Variants in FRMPD4 observed in about 807,000 individuals in gnomAD.
FRMPD4 encodes FERM and PDZ domain-containing protein 4.
A neutral mutation model predicts 94.1 loss-of-function variants in FRMPD4; 22 were observed. The ratio of observed to expected loss-of-function variants is 0.23; its 90% CI spans 0.17 to 0.33. FRMPD4 has a LOEUF of 0.33. Among genes scored for constraint, FRMPD4 ranks in the 10% least tolerant of loss-of-function variants. The pLI, the probability that FRMPD4 is intolerant of heterozygous loss-of-function variation, is 1.00. For synonymous variants in FRMPD4, 631 were observed against 548.6 expected (o/e 1.15, Z -2.10); for missense variants, 1,111 against 1,339.9 (o/e 0.83, Z 2.67).
chrX:12,031,881 C>A (rs1423765703), intron 3 of FRMPD4, among the ~76,000 whole-genome samples: 1 of 111,364 alleles, frequency 9.0e-6, no homozygotes, highest in Non-Finnish European at 1.9e-5. Flanking sequence ...TGGTCTGGAC[C>A]AAAACTATGG....
intron 3 of FRMPD4, among the ~76,000 whole-genome samples, chrX:11,927,149 CAA>C (rs552763447): frequency 5.3e-5 from 5 of 94,559 alleles, no homozygotes; most frequent in Admixed American, 1.2e-4. Context: ...ACAATTGCCA[CAA>C]AAAAAAAAAA....
chrX:11,852,950 C>T (rs997996420), intron 1 of FRMPD4, among the ~76,000 whole-genome samples: 3 of 112,183 alleles, frequency 2.7e-5, no homozygotes, highest in African/African-American at 9.7e-5. Context: ...GAAGAATATA[C>T]ATTCTCTTCA....
intron 1 of FRMPD4, among the ~76,000 whole-genome samples, chrX:12,212,949 C>G (rs2056769407): frequency 1.8e-5 from 2 of 110,926 alleles, no homozygotes; most frequent in Admixed American, 1.9e-4. Context: ...AACAAAGGAC[C>G]CTTGATTTCT....
At chrX:12,652,805 A>C (rs747157936) in intron 4 of FRMPD4, among the ~76,000 whole-genome samples, 6 of 111,585 alleles carry the variant, frequency 5.4e-5, no homozygotes, top group Non-Finnish European at 1.1e-4. Context: ...ACAGAGCAGG[A>C]GAGAGCAAGC....
chrX:12,357,673 G>A (rs1372491122), intron 1 of FRMPD4, among the ~76,000 whole-genome samples: 1 of 112,100 alleles, frequency 8.9e-6, no homozygotes, highest in Non-Finnish European at 1.9e-5. Context: ...CAAGTTGTGA[G>A]CAACCTGAAC....
intron 1 of FRMPD4, among the ~76,000 whole-genome samples, chrX:12,220,295 G>T (rs1369125340): frequency 3.6e-5 from 4 of 112,123 alleles, no homozygotes; most frequent in African/African-American, 1.3e-4. Flanking sequence ...GCCCAAAGTG[G>T]CTATGGAAAG....
chrX:12,241,005 A>G (rs1422986336), intron 1 of FRMPD4, among the ~76,000 whole-genome samples: 2 of 112,430 alleles, frequency 1.8e-5, no homozygotes, highest in African/African-American at 6.5e-5. Context: ...GAGACAAATA[A>G]CAGGAATATG....
At chrX:12,418,882 A>G (rs2056846651) in intron 1 of FRMPD4, among the ~76,000 whole-genome samples, 1 of 111,378 alleles carries the variant, frequency 9.0e-6, no homozygotes, top group East Asian at 2.8e-4. Context: ...TGTTACATTT[A>G]TTTTTGTTTC....
chrX:11,904,714 A>G (rs748202568), intron 3 of FRMPD4, among the ~76,000 whole-genome samples: 1 of 111,938 alleles, frequency 8.9e-6, no homozygotes, highest in South Asian at 3.8e-4. Context: ...CCATACTAGG[A>G]CAGCATCATT....
intron 2 of FRMPD4, among the ~76,000 whole-genome samples, chrX:12,576,311 A>G (rs1196436668): frequency 8.9e-6 from 1 of 112,958 alleles, no homozygotes; most frequent in Non-Finnish European, 1.9e-5. Flanking sequence ...AAAATAAGAA[A>G]AAGAGGTTTA....
chrX:11,896,869 A>G (rs2053907064), intron 3 of FRMPD4, among the ~76,000 whole-genome samples: 1 of 111,428 alleles, frequency 9.0e-6, no homozygotes, highest in Non-Finnish European at 1.9e-5. Flanking sequence ...TAAAATGCAG[A>G]TGTTGATTCA....
At chrX:12,359,278 G>A (rs936325297) in intron 1 of FRMPD4, among the ~76,000 whole-genome samples, 22 of 111,538 alleles carry the variant, frequency 2.0e-4, no homozygotes, top group African/African-American at 6.8e-4. Context: ...TGGGAGTACA[G>A]AAATATACAT....
intron 1 of FRMPD4, among the ~76,000 whole-genome samples, chrX:12,391,173 A>G (rs1424831558): frequency 9.4e-6 from 1 of 106,582 alleles, no homozygotes; most frequent in Non-Finnish European, 1.9e-5. Context: ...CTAAAGAGTC[A>G]TTGCTTCCCA....
intron 1 of FRMPD4, among the ~76,000 whole-genome samples, chrX:12,339,327 A>G (rs116088197): frequency 0.05 from 5,653 of 112,012 alleles, 370 homozygotes; most frequent in African/African-American, 0.18. Context: ...GTTTGAATAC[A>G]TGAAATTTGT....
chrX:11,950,525 C>T (rs754084133), intron 3 of FRMPD4, among the ~76,000 whole-genome samples: 2 of 111,728 alleles, frequency 1.8e-5, no homozygotes, highest in African/African-American at 3.2e-5. Flanking sequence ...ATTCATTCTA[C>T]GTAACTGAAA....
chrX:11,973,198 G>T (rs1346465623), intron 3 of FRMPD4, among the ~76,000 whole-genome samples: 4 of 112,368 alleles, frequency 3.6e-5, no homozygotes, highest in Non-Finnish European at 7.5e-5. Flanking sequence ...AACAAGTTTT[G>T]TGTCTATTAA....
At chrX:12,546,011 G>A (rs1010926083) in intron 2 of FRMPD4, among the ~76,000 whole-genome samples, 1 of 112,304 alleles carries the variant, frequency 8.9e-6, no homozygotes, top group Non-Finnish European at 1.9e-5. Flanking sequence ...AGTGACTGGA[G>A]AACAGGGTCA....
chrX:12,581,009 C>A (rs1273364925), intron 2 of FRMPD4, among the ~76,000 whole-genome samples: 1 of 112,272 alleles, frequency 8.9e-6, no homozygotes, highest in Non-Finnish European at 1.9e-5. Context: ...CTGTGGAAAG[C>A]AAAACTGCAA....
At chrX:12,166,630 C>CA (rs1289362746) in intron 1 of FRMPD4, among the ~76,000 whole-genome samples, 2 of 111,347 alleles carry the variant, frequency 1.8e-5, no homozygotes, top group Admixed American at 1.9e-4. Context: ...GGAATGGTAC[C>CA]AGCTCCTCCT....
Sources: allele counts gnomAD v4.1 joint callset (sites outside exome capture counted in the v4.1 genomes callset), GRCh38; gene constraint gnomAD v4.1.1; transcripts MANE v1.5; gene names NCBI Gene and HGNC (gene_info 2026-07-23, HGNC 2026-07-21).